The following ARIH1 variants were observed in gnomAD, a reference collection of about 807,000 sequenced individuals.
ARIH1 encodes ariadne RBR E3 ubiquitin protein ligase 1.
Under a neutral mutation model 85.0 loss-of-function variants are expected in ARIH1, and 8 were observed. The observed-to-expected ratio is 0.09, with a 90% CI of 0.06 to 0.17. The LOEUF is 0.17. Ranked by LOEUF, ARIH1 falls within the 10% of genes least tolerant of loss-of-function variation. The probability of loss-of-function intolerance (pLI) is 1.00; values close to 1 mark genes in which losing one functional copy is unlikely to be tolerated. For synonymous variants in ARIH1, 238 were observed against 253.6 expected, an observed-to-expected ratio of 0.94 and a Z score of 0.59; for missense variants, 311 against 718.1, an observed-to-expected ratio of 0.43 and a Z score of 6.48.
intron 2 of ARIH1, among the ~76,000 whole-genome samples, chr15:72,536,601 A>G (rs993036335): frequency 6.6e-6 from 1 of 152,132 alleles, no homozygotes; most frequent in African/African-American, 2.4e-5. Flanking sequence ...GTAAATGGGT[A>G]TTGGATCCCT....
At chr15:72,549,393 C>A (rs1034470065) in intron 3 of ARIH1, among the ~76,000 whole-genome samples, 2 of 152,044 alleles carry the variant, frequency 1.3e-5, no homozygotes, top group African/African-American at 4.8e-5. Flanking sequence ...CAGCCAGTGT[C>A]TCATTTTTAT....
intron 1 of ARIH1, among the ~76,000 whole-genome samples, chr15:72,501,654 A>T (rs1020881324): frequency 2.4e-4 from 37 of 152,218 alleles, no homozygotes; most frequent in Admixed American, 2.4e-3. Context: ...GATACGTGGA[A>T]TGCTGATACT....
At chr15:72,516,013 A>G (rs2063973429) in intron 1 of ARIH1, among the ~76,000 whole-genome samples, 1 of 152,206 alleles carries the variant, frequency 6.6e-6, no homozygotes, top group Non-Finnish European at 1.5e-5. Context: ...CATATTAAAT[A>G]AAAACATGGT....
At chr15:72,542,694 T>G (rs1245321507) in intron 2 of ARIH1, among the ~76,000 whole-genome samples, 2 of 152,178 alleles carry the variant, frequency 1.3e-5, no homozygotes, top group African/African-American at 4.8e-5. Flanking sequence ...TATATGAAAT[T>G]AGGGACACAT....
At chr15:72,479,368 G>A (rs1412494251) in intron 1 of ARIH1, among the ~76,000 whole-genome samples, 1 of 151,768 alleles carries the variant, frequency 6.6e-6, no homozygotes, top group Admixed American at 6.6e-5. Flanking sequence ...AAAAAACAGT[G>A]GATAGGTATC....
chr15:72,564,179 CATTCAAGAGA>C (rs2064209290), intron 7 of ARIH1, among the ~76,000 whole-genome samples: 1 of 152,188 alleles, frequency 6.6e-6, no homozygotes, highest in Non-Finnish European at 1.5e-5. Context: ...TTTCTATAAA[CATTCAAGAGA>C]AGCTAAGCTG....
At chr15:72,546,424 TCGTAACTCTAA>T (rs1436837385) in intron 3 of ARIH1, among the ~76,000 whole-genome samples, 1 of 152,208 alleles carries the variant, frequency 6.6e-6, no homozygotes, top group Non-Finnish European at 1.5e-5. Flanking sequence ...CAAGTTCTGA[TCGTAACTCTAA>T]CGTGAAATTT....
At chr15:72,527,138 A>G (rs1238043925) in intron 2 of ARIH1, among the ~76,000 whole-genome samples, 4 of 152,162 alleles carry the variant, frequency 2.6e-5, no homozygotes, top group African/African-American at 9.7e-5. Context: ...TTTTCATTAT[A>G]AACAAACTTT....
At chr15:72,519,709 C>T (rs1026286269) in intron 2 of ARIH1, among the ~76,000 whole-genome samples, 6 of 151,926 alleles carry the variant, frequency 3.9e-5, no homozygotes, top group African/African-American at 9.7e-5. Flanking sequence ...GTCTCGAACT[C>T]CCAACCTCAG....
intron 11 of ARIH1, among the ~76,000 whole-genome samples, chr15:72,575,681 T>C (rs574765310): frequency 2.0e-5 from 3 of 152,200 alleles, no homozygotes; most frequent in South Asian, 2.1e-4. Flanking sequence ...ACATCATACA[T>C]GTCAATATGG....
intron 10 of ARIH1, among the ~76,000 whole-genome samples, 187 bp from the exon 11 acceptor site, chr15:72,571,921 C>G (rs1286371285): frequency 6.6e-6 from 1 of 152,150 alleles, no homozygotes; most frequent in Non-Finnish European, 1.5e-5. Flanking sequence ...AGAACAGTTC[C>G]TTTCAGCCTG....
At chr15:72,523,029 C>A (rs1567346169) in intron 2 of ARIH1, among the ~76,000 whole-genome samples, 1 of 152,174 alleles carries the variant, frequency 6.6e-6, no homozygotes, top group Non-Finnish European at 1.5e-5. Flanking sequence ...GAACTCTCAT[C>A]ATTTCTCGTG....
At chr15:72,534,069 A>C (rs2064070193) in intron 2 of ARIH1, among the ~76,000 whole-genome samples, 2 of 152,200 alleles carry the variant, frequency 1.3e-5, no homozygotes, top group Non-Finnish European at 2.9e-5. Context: ...AAAAGCTACA[A>C]GCCACAGCAT....
intron 11 of ARIH1, among the ~76,000 whole-genome samples, chr15:72,576,199 G>T (rs1349621673): frequency 6.6e-6 from 1 of 152,034 alleles, no homozygotes; most frequent in East Asian, 1.9e-4. Context: ...AAGAACATAC[G>T]TGTGTTAGGA....
At chr15:72,500,506 T>C (rs891216071) in intron 1 of ARIH1, among the ~76,000 whole-genome samples, 4 of 152,216 alleles carry the variant, frequency 2.6e-5, no homozygotes, top group Non-Finnish European at 2.9e-5. Flanking sequence ...GGAAGACTTG[T>C]GTCCTTATAA....
chr15:72,567,671 G>A (rs985189165), intron 9 of ARIH1, among the ~76,000 whole-genome samples: 2 of 152,108 alleles, frequency 1.3e-5, no homozygotes, highest in Non-Finnish European at 2.9e-5. Context: ...TAAATCTTGA[G>A]TACCCTTCTC....
chr15:72,555,266 T>G lies in ARIH1; in HGVS notation c.589-5T>G, dbSNP rs745499718. ...TGTTAAGTTCATGTTTTGTTTTTCTTACAGTATTTCACTGGCCTTGAATGT... is the reference window on the plus strand; with the variant it reads ...TGTTAAGTTCATGTTTTGTTTTTCTGACAGTATTTCACTGGCCTTGAATGT... On this transcript the variant is annotated splice_polypyrimidine_tract_variant and splice_region_variant and intron_variant, in intron 3 of 13. Coordinates refer to ENST00000379887, the MANE Select transcript of ARIH1 (RefSeq NM_005744.5). The G allele has an allele frequency of 6.2e-7, 1 of 1,606,618 alleles. No individual in the cohort carries two copies. Among genetic ancestry groups the G allele is most frequent in the Non-Finnish European group, 8.5e-7 (1 of 1,173,630 alleles).
At chr15:72,512,302 A>G (rs1243742964) in intron 1 of ARIH1, among the ~76,000 whole-genome samples, 1 of 151,982 alleles carries the variant, frequency 6.6e-6, no homozygotes, top group African/African-American at 2.4e-5. Context: ...AGAGTTAATT[A>G]CATACTCAGT....
chr15:72,486,723 A>T (rs2063839108), intron 1 of ARIH1, among the ~76,000 whole-genome samples: 2 of 111,268 alleles, frequency 1.8e-5, no homozygotes, highest in Admixed American at 1.3e-4. Flanking sequence ...TTTGAGACAG[A>T]GTCTCTGTGG....
Sources: allele counts gnomAD v4.1 joint callset (sites outside exome capture counted in the v4.1 genomes callset), GRCh38; gene constraint gnomAD v4.1.1; transcripts MANE v1.5; gene names NCBI Gene and HGNC (gene_info 2026-07-23, HGNC 2026-07-21).